The following TSC22D1 variants were observed in gnomAD, a reference collection of about 807,000 sequenced individuals.
TSC22D1 encodes TSC22 domain family protein 1.
TSC22D1 carries 9 observed loss-of-function variants against 74.2 expected under a neutral mutation model. The observed-to-expected ratio is 0.12, with a 90% CI of 0.07 to 0.21. TSC22D1 has a LOEUF of 0.21. TSC22D1 is among the 10% of genes least tolerant of loss of function. The probability of loss-of-function intolerance (pLI) is 1.00; values close to 1 mark genes in which losing one functional copy is unlikely to be tolerated. For missense variants in TSC22D1, 1,427 were observed against 1,304.7 expected (o/e 1.09, Z -1.44); for synonymous variants, 586 against 492.5 (o/e 1.19, Z -2.51).
At chr13:44,470,422 C>T (rs986677810) in intron 1 of TSC22D1, among the ~76,000 whole-genome samples, 6 of 152,120 alleles carry the variant, frequency 3.9e-5, no homozygotes, top group East Asian at 3.8e-4. Context: ...AAAATAGATT[C>T]GCGTCTGGCC....
At chr13:44,495,867 G>A (rs1459040995) in intron 1 of TSC22D1, among the ~76,000 whole-genome samples, 2 of 152,144 alleles carry the variant, frequency 1.3e-5, no homozygotes, top group Non-Finnish European at 2.9e-5. Context: ...TGAACTAAAT[G>A]TAACAGTTAA....
Position 44,529,002 on chromosome 13 carries a change from A to G in TSC22D1, c.2912+44161T>C, listed in dbSNP as rs1880691793. On this transcript the variant is annotated intron_variant, in intron 1 of 2. Transcript: ENST00000458659. ...AATCATTAATAACCTTCCCATGTAG[A>G]GTTCTACCAGGTATCTCATGATATG... 3.3e-5 allele frequency among the ~76,000 whole-genome samples: 5 copies of G among 152,238 alleles called. No individual in the cohort carries two copies. In the South Asian group the frequency reaches 1.0e-3, roughly 32 times the overall value.
intron 1 of TSC22D1, among the ~76,000 whole-genome samples, chr13:44,530,574 G>A (rs1471364098): frequency 1.1e-4 from 16 of 150,952 alleles, no homozygotes; most frequent in African/African-American, 3.7e-4. Flanking sequence ...TTAAGAGAAC[G>A]AGAAGACAAG....
At chr13:44,532,451 CTGCAG>C (rs1426848739) in intron 1 of TSC22D1, among the ~76,000 whole-genome samples, 2 of 151,894 alleles carry the variant, frequency 1.3e-5, no homozygotes, top group African/African-American at 4.8e-5. Flanking sequence ...CTAACAGAAG[CTGCAG>C]TGCGCTCACA....
At chr13:44,460,038 G>C (rs1052943516) in intron 1 of TSC22D1, among the ~76,000 whole-genome samples, 1 of 152,164 alleles carries the variant, frequency 6.6e-6, no homozygotes, top group African/African-American at 2.4e-5. Flanking sequence ...TCCAGCAAAG[G>C]TACCCCCAGC....
intron 1 of TSC22D1, among the ~76,000 whole-genome samples, chr13:44,545,752 G>C (rs1881784188): frequency 6.6e-6 from 1 of 152,052 alleles, no homozygotes; most frequent in South Asian, 2.1e-4. Context: ...CAAGGCGGGT[G>C]GATCACTTGA....
At chr13:44,509,083 C>T (rs2138003646) in intron 1 of TSC22D1, among the ~76,000 whole-genome samples, 1 of 152,198 alleles carries the variant, frequency 6.6e-6, no homozygotes, top group South Asian at 2.1e-4. Context: ...TATCAAACAA[C>T]CCAAGACCCA....
At chr13:44,483,097 T>C (rs1349547534) in intron 1 of TSC22D1, among the ~76,000 whole-genome samples, 2 of 152,346 alleles carry the variant, frequency 1.3e-5, no homozygotes, top group East Asian at 1.9e-4. Flanking sequence ...ATATAGGTTT[T>C]CCCCTAAATT....
chr13:44,437,032 T>TGGCCTGGCGCGGGCC (rs1376025316), intron 1 of TSC22D1: 25 of 978,516 alleles, frequency 2.6e-5, no homozygotes, highest in Non-Finnish European at 2.5e-5. Flanking sequence ...TGGGGTGGGC[T>TGGCCTGGCGCGGGCC]GGCCTGGCGC....
chr13:44,435,254 G>C (rs1174429032), intron 2 of TSC22D1: 1 of 179,336 alleles, frequency 5.6e-6, no homozygotes, highest in African/African-American at 2.5e-5. Context: ...GCGCTCGCCC[G>C]GAGCCGCCTC....
At chr13:44,549,776 GAA>G (rs1305063154) in intron 1 of TSC22D1, among the ~76,000 whole-genome samples, 3 of 67,978 alleles carry the variant, frequency 4.4e-5, no homozygotes, top group Admixed American at 1.7e-4. Context: ...CAAAAAAAAA[GAA>G]AAAAAAAAAA....
intron 1 of TSC22D1, among the ~76,000 whole-genome samples, chr13:44,478,933 G>A (rs914343628): frequency 2.6e-5 from 4 of 152,060 alleles, no homozygotes; most frequent in Non-Finnish European, 4.4e-5. Context: ...ATGTGTGTAT[G>A]TTTACGTGTG....
intron 1 of TSC22D1, among the ~76,000 whole-genome samples, chr13:44,491,622 T>C (rs1878729755): frequency 6.6e-6 from 1 of 150,736 alleles, no homozygotes; most frequent in Admixed American, 6.6e-5. Flanking sequence ...CGTAAATAAG[T>C]ACAATCCAAA....
At chr13:44,571,666 A>G (rs1408432805) in intron 1 of TSC22D1, among the ~76,000 whole-genome samples, 1 of 152,276 alleles carries the variant, frequency 6.6e-6, no homozygotes, top group East Asian at 1.9e-4. Context: ...AATTCTTTTA[A>G]AATTAGTTGA....
At chr13:44,546,893 C>T (rs1253673491) in intron 1 of TSC22D1, among the ~76,000 whole-genome samples, 1 of 151,960 alleles carries the variant, frequency 6.6e-6, no homozygotes, top group Non-Finnish European at 1.5e-5. Context: ...ACCTCAGCCT[C>T]ACTAGTACCT....
At chr13:44,440,608 AAAG>A (rs1875117169) in intron 1 of TSC22D1, among the ~76,000 whole-genome samples, 2 of 151,640 alleles carry the variant, frequency 1.3e-5, no homozygotes, top group Non-Finnish European at 2.9e-5. Flanking sequence ...AAAAAAAAAA[AAAG>A]AATCGGAAAA....
chr13:44,438,323 AAC>A (rs993812755), intron 1 of TSC22D1, among the ~76,000 whole-genome samples: 4 of 152,212 alleles, frequency 2.6e-5, no homozygotes, highest in African/African-American at 9.6e-5. Context: ...CACATGCACA[AAC>A]ACACACAGTC....
intron 1 of TSC22D1, among the ~76,000 whole-genome samples, chr13:44,530,672 A>AC (rs1047325030): frequency 1.2e-4 from 19 of 152,108 alleles, no homozygotes; most frequent in African/African-American, 4.3e-4. Flanking sequence ...TCAAAAAAAA[A>AC]AAACAAACCT....
chr13:44,534,722 T>C (rs1039223526), intron 1 of TSC22D1, among the ~76,000 whole-genome samples: 2 of 152,150 alleles, frequency 1.3e-5, no homozygotes, highest in Admixed American at 6.6e-5. Flanking sequence ...TAAGTAAACA[T>C]TTACAGAATT....
Sources: allele counts gnomAD v4.1 joint callset (sites outside exome capture counted in the v4.1 genomes callset), GRCh38; gene constraint gnomAD v4.1.1; transcripts MANE v1.5; gene names NCBI Gene and HGNC (gene_info 2026-07-23, HGNC 2026-07-21).